Variants in MEMO1 observed in about 807,000 individuals in gnomAD.
MEMO1 encodes mediator of cell motility 1.
Under a neutral mutation model 45.2 loss-of-function variants are expected in MEMO1, and 6 were observed. The observed-to-expected ratio is 0.13, with a 90% confidence interval of 0.07 to 0.26. The LOEUF (loss-of-function observed/expected upper bound fraction) is 0.26. Among genes scored for constraint, MEMO1 ranks in the 10% least tolerant of loss-of-function variants. The pLI is 1.00. For synonymous variants in MEMO1, 78 were observed against 124.3 expected, an observed-to-expected ratio of 0.63 and a Z score of 2.48; for missense variants, 184 against 370.5, an observed-to-expected ratio of 0.50 and a Z score of 4.13.
At chr2:31,975,245 A>G (rs555190508) in intron 2 of MEMO1, among the ~76,000 whole-genome samples, 6 of 152,342 alleles carry the variant, frequency 3.9e-5, no homozygotes, top group African/African-American at 1.4e-4. Context: ...ACTAATGTAA[A>G]AGAATTATTT....
chr2:31,984,637 T>C (rs979839412), intron 2 of MEMO1, among the ~76,000 whole-genome samples: 5 of 152,138 alleles, frequency 3.3e-5, no homozygotes, highest in Non-Finnish European at 2.9e-5. Flanking sequence ...CCGTCTCTAC[T>C]AAAAACACAA....
At position 31,918,878 on chromosome 2, in the gene MEMO1, T is replaced by C. The variant is rs529516295; in HGVS notation, c.326-841A>G. ...CCTCTTTTCTTGAAAAAATTCTCTA[T>C]TTCTTCACTGGCAAGCTACCCAAAA... On this transcript the variant is annotated intron_variant, in intron 5 of 9. Transcript: ENST00000404530. 2.3e-4 allele frequency among the ~76,000 whole-genome samples: 35 copies of C among 152,258 alleles called. No individual in the cohort carries two copies. In the Middle Eastern group the frequency reaches 0.014, roughly 59 times the overall value.
chr2:31,960,054 G>A (rs112048191), intron 2 of MEMO1, among the ~76,000 whole-genome samples: 5,364 of 152,188 alleles, frequency 0.035, 118 homozygotes, highest in Middle Eastern at 0.075. Context: ...AAAATCAGCC[G>A]GGTGTGGCGG....
At chr2:31,871,518 C>T (rs77919274) in intron 8 of MEMO1, among the ~76,000 whole-genome samples, 69 of 118,994 alleles carry the variant, frequency 5.8e-4, no homozygotes, top group Non-Finnish European at 9.7e-4. Context: ...CACACACACA[C>T]ATATATATAT....
chr2:31,909,226 C>T (rs1680227299), intron 6 of MEMO1, among the ~76,000 whole-genome samples: 1 of 152,192 alleles, frequency 6.6e-6, no homozygotes, highest in Admixed American at 6.5e-5. Context: ...ACTTTCACCA[C>T]TTCAATTCAA....
chr2:31,900,346 A>C (rs1286491494), intron 6 of MEMO1, among the ~76,000 whole-genome samples: 1 of 152,232 alleles, frequency 6.6e-6, no homozygotes, highest in Non-Finnish European at 1.5e-5. Flanking sequence ...AATACTATGC[A>C]GCCATAAAAA....
intron 2 of MEMO1, chr2:31,963,074 TCTTC>T: frequency 7.4e-7 from 1 of 1,354,284 alleles, no homozygotes; most frequent in South Asian, 2.0e-5. Context: ...AAATACTGGC[TCTTC>T]CTAAGTCTTG....
intron 2 of MEMO1, among the ~76,000 whole-genome samples, chr2:31,969,585 GGGTGTGT>G (rs1669089394): frequency 1.1e-5 from 1 of 89,450 alleles, no homozygotes; most frequent in Non-Finnish European, 2.2e-5. Flanking sequence ...GTGTGTGTGT[GGGTGTGT>G]GTGTGTGTGT....
At chr2:31,949,507 A>G (rs936886657) in intron 2 of MEMO1, among the ~76,000 whole-genome samples, 3 of 152,060 alleles carry the variant, frequency 2.0e-5, no homozygotes, top group Non-Finnish European at 4.4e-5. Context: ...CAGAAAGACA[A>G]ACAATGCATG....
intron 7 of MEMO1, among the ~76,000 whole-genome samples, chr2:31,890,699 C>T (rs576291703): frequency 6.6e-6 from 1 of 152,248 alleles, no homozygotes; most frequent in South Asian, 2.1e-4. Context: ...GGTTTCCCAA[C>T]CTCAGCACTG....
intron 2 of MEMO1, among the ~76,000 whole-genome samples, chr2:32,002,238 C>CATATACATATAT (rs1444019001): frequency 7.3e-6 from 1 of 136,178 alleles, no homozygotes; most frequent in Non-Finnish European, 1.5e-5. Flanking sequence ...TGTATATATA[C>CATATACATATAT]ATATACATAT....
intron 5 of MEMO1, among the ~76,000 whole-genome samples, chr2:31,919,236 C>T (rs1035862268): frequency 6.6e-6 from 1 of 151,914 alleles, no homozygotes; most frequent in Non-Finnish European, 1.5e-5. Flanking sequence ...GAAACCTCTA[C>T]CTCCGGAGCT....
At chr2:31,954,316 G>T (rs1282573386) in intron 2 of MEMO1, among the ~76,000 whole-genome samples, 1 of 152,128 alleles carries the variant, frequency 6.6e-6, no homozygotes, top group Non-Finnish European at 1.5e-5. Context: ...AGGCTTTGTG[G>T]CTCATGCCTG....
chr2:31,915,279 T>A (rs1324751879), intron 6 of MEMO1, among the ~76,000 whole-genome samples: 2 of 152,198 alleles, frequency 1.3e-5, no homozygotes, highest in Non-Finnish European at 2.9e-5. Context: ...GCTGGGTGTA[T>A]ATGACATGTT....
chr2:31,933,071 T>C (rs576889883), intron 3 of MEMO1, among the ~76,000 whole-genome samples: 215 of 151,946 alleles, frequency 1.4e-3, no homozygotes, highest in African/African-American at 5.0e-3. Context: ...AAAATAACTA[T>C]ACTTTTTTTT....
intron 2 of MEMO1, among the ~76,000 whole-genome samples, chr2:31,969,533 T>A (rs902622041): frequency 6.6e-6 from 1 of 151,724 alleles, no homozygotes; most frequent in East Asian, 1.9e-4. Context: ...GTGACTTATT[T>A]CAGCTTTATA....
At chr2:31,993,177 AAAAG>A (rs750702334) in intron 2 of MEMO1, among the ~76,000 whole-genome samples, 7 of 152,296 alleles carry the variant, frequency 4.6e-5, no homozygotes, top group South Asian at 2.1e-4. Flanking sequence ...TGTCTCAAAA[AAAAG>A]AAAGAAAGAT....
Position 31,967,993 on chromosome 2 carries a change from G to C in MEMO1, c.62-24610C>G, listed in dbSNP as rs536813955. On this transcript the variant is annotated intron_variant, in intron 2 of 9. Coordinates refer to ENST00000404530, the MANE Select transcript of MEMO1 (RefSeq NM_001301833.4). The stretch of plus-strand genomic sequence containing the variant: ...ACTTAGATAATAAGAATCAAAACTC[G>C]CAATGATGGGTAAGCATTTTTCTGG... 2.0e-5 allele frequency among the ~76,000 whole-genome samples: 3 copies of C among 152,136 alleles called. No individual in the cohort carries two copies. The South Asian group carries it at 6.2e-4, about 32-fold the overall frequency.
intron 6 of MEMO1, among the ~76,000 whole-genome samples, chr2:31,896,217 G>C (rs559067083): frequency 2.0e-5 from 3 of 152,038 alleles, no homozygotes; most frequent in Admixed American, 2.0e-4. Flanking sequence ...ATAGTACTAG[G>C]ACAACTGCAT....
Sources: allele counts gnomAD v4.1 joint callset (sites outside exome capture counted in the v4.1 genomes callset), GRCh38; gene constraint gnomAD v4.1.1; transcripts MANE v1.5; gene names NCBI Gene and HGNC (gene_info 2026-07-23, HGNC 2026-07-21).